Variants in DPP6 observed in about 807,000 individuals in gnomAD.
The protein encoded by DPP6 is dipeptidyl peptidase like 6.
Under a neutral mutation model 122.6 loss-of-function variants are expected in DPP6, and 69 were observed. That is an observed-to-expected ratio of 0.56 (90% CI 0.46 to 0.69). The LOEUF is 0.69. Among genes scored for constraint, DPP6 ranks in the 30% least tolerant of loss-of-function variants. The pLI is 0.00. For missense variants in DPP6, 928 were observed against 1,116.9 expected, an observed-to-expected ratio of 0.83 and a Z score of 2.41; for synonymous variants, 418 against 433.1, an observed-to-expected ratio of 0.97 and a Z score of 0.43.
chr7:154,383,881 C>G (rs929926979), intron 1 of DPP6, among the ~76,000 whole-genome samples: 24 of 114,008 alleles, frequency 2.1e-4, no homozygotes, highest in Middle Eastern at 4.6e-3. Context: ...CAGAGTGAGA[C>G]TCTGTCTCCA....
At chr7:154,386,875 A>G (rs766367999) in intron 1 of DPP6, among the ~76,000 whole-genome samples, 11 of 152,248 alleles carry the variant, frequency 7.2e-5, no homozygotes, top group Middle Eastern at 3.4e-3. Flanking sequence ...CTGGAAATAA[A>G]AGTGCATGGA....
intron 1 of DPP6, among the ~76,000 whole-genome samples, chr7:154,063,053 C>A (rs1236267841): frequency 2.5e-5 from 3 of 121,928 alleles, no homozygotes; most frequent in East Asian, 2.4e-4. Flanking sequence ...AGGCACCCCC[C>A]ACGAGAGTGG....
intron 5 of DPP6, chr7:154,587,743 C>T (rs1320608424): frequency 1.0e-5 from 16 of 1,574,060 alleles, no homozygotes; most frequent in Non-Finnish European, 1.3e-5. Flanking sequence ...AGCTTGTCAC[C>T]AGGGCTGTTT....
chr7:154,306,882 C>T (rs563082822), intron 1 of DPP6, among the ~76,000 whole-genome samples: 1 of 152,262 alleles, frequency 6.6e-6, no homozygotes, highest in South Asian at 2.1e-4. Context: ...TTCAAAAATT[C>T]CACAGAATAT....
intron 7 of DPP6, among the ~76,000 whole-genome samples, chr7:154,681,499 C>T (rs973297018): frequency 6.6e-6 from 1 of 152,192 alleles, no homozygotes; most frequent in Non-Finnish European, 1.5e-5. Flanking sequence ...GGGCGTGGAG[C>T]CGCACCACAC....
chr7:154,892,622 G>T lies in DPP6; in HGVS notation c.*142G>T. The T allele has an allele frequency of 6.6e-7, 1 of 1,506,230 alleles. No individual in the cohort carries two copies. Among genetic ancestry groups the T allele is most frequent in the Non-Finnish European group, 8.9e-7 (1 of 1,119,562 alleles). 93.3% of individuals were successfully genotyped at this position (1,506,230 alleles called of 1,614,324 possible). ...TAGCATGTGTGTCTCGGATGCGGAA[G>T]GCAGTTTTGCTTGGGAAACAAGCTC... On this transcript the variant is annotated 3_prime_UTR_variant, in exon 26 of 26. Transcript: ENST00000377770.
At chr7:154,732,890 C>T (rs942422257) in intron 8 of DPP6, among the ~76,000 whole-genome samples, 12 of 152,312 alleles carry the variant, frequency 7.9e-5, no homozygotes, top group African/African-American at 2.9e-4. Context: ...AGGACCCATG[C>T]AGTCAGGCAG....
At position 153,954,094 on chromosome 7, in the gene DPP6, G is replaced by T. The variant is rs56065597; in HGVS notation, c.51+66360G>T. Among the ~76,000 whole-genome samples the T allele has an allele frequency of 3.0e-3, 463 of 152,308 alleles. 1 individual carries two copies. The highest frequency in any genetic ancestry group is 4.2e-3 in the Non-Finnish European group (284 of 68,034). On this transcript the variant is annotated intron_variant, in intron 1 of 25. Transcript: ENST00000404039. ...CAGATCTCCATCGCTTCTATAAAAT[G>T]CCTTCACTTGAACACCCAGACAAGT... is the stretch of plus-strand genomic sequence containing the variant.
intron 8 of DPP6, among the ~76,000 whole-genome samples, chr7:154,752,025 A>G (rs867273758): frequency 6.6e-6 from 1 of 152,160 alleles, no homozygotes. Flanking sequence ...GACAGAGTTT[A>G]TTGAAAGTTG....
the DPP6 span, among the ~76,000 whole-genome samples, chr7:153,814,218 TAAAG>T: frequency 0.089 from 13,529 of 151,606 alleles, 628 homozygotes; most frequent in Middle Eastern, 0.11. Context: ...GCAAGACTAA[TAAAG>T]AAGAAAAGAG....
chr7:154,626,694 A>G (rs954923425), intron 5 of DPP6, among the ~76,000 whole-genome samples: 2 of 152,242 alleles, frequency 1.3e-5, no homozygotes, highest in Non-Finnish European at 1.5e-5. Flanking sequence ...AGTGACTACT[A>G]TAAGTTAGTT....
At chr7:154,362,833 G>T (rs1333670053) in intron 1 of DPP6, among the ~76,000 whole-genome samples, 1 of 152,182 alleles carries the variant, frequency 6.6e-6, no homozygotes, top group Non-Finnish European at 1.5e-5. Flanking sequence ...CACCTGGGCT[G>T]GAGGCCTGGC....
Position 154,597,801 on chromosome 7 carries a change from C to A in DPP6, c.627+30885C>A, listed in dbSNP as rs558613636. 1.4e-4 allele frequency among the ~76,000 whole-genome samples: 22 copies of A among 152,214 alleles called. No individual in the cohort carries two copies. In the East Asian group the frequency reaches 3.9e-3, roughly 27 times the overall value. Reference sequence around the variant, plus strand: ...GTGCTGGCTCCAGGCCTCCTTCCTGCATCTGGTGGTTTTCTGGCAATCTTT... The same window carrying A: ...GTGCTGGCTCCAGGCCTCCTTCCTGAATCTGGTGGTTTTCTGGCAATCTTT... On this transcript the variant is annotated intron_variant, in intron 5 of 25. Coordinates refer to ENST00000377770, the MANE Select transcript of DPP6 (RefSeq NM_130797.4).
At chr7:154,446,582 A>T (rs962117113) in intron 2 of DPP6, among the ~76,000 whole-genome samples, 17 of 152,220 alleles carry the variant, frequency 1.1e-4, no homozygotes, top group Admixed American at 1.0e-3. Flanking sequence ...TCACTTATTC[A>T]TGCTTGATCA....
the DPP6 span, among the ~76,000 whole-genome samples, chr7:153,773,264 C>CGTGTGT: frequency 0.018 from 2,379 of 132,430 alleles, 73 homozygotes; most frequent in African/African-American, 0.056. Flanking sequence ...TCTTTTCTTT[C>CGTGTGT]GTGTGTGTGT....
intron 18 of DPP6, 100 bp downstream of exon 18, chr7:154,868,193 C>A: frequency 6.9e-7 from 1 of 1,444,672 alleles, no homozygotes; most frequent in South Asian, 1.4e-5. Context: ...AAGGAAGACT[C>A]CCCAAGCACG....
the DPP6 span, among the ~76,000 whole-genome samples, chr7:153,826,957 C>G: frequency 2.0e-5 from 3 of 151,304 alleles, no homozygotes; most frequent in Non-Finnish European, 4.4e-5. Flanking sequence ...AATGTGTAAG[C>G]TAAACGTATT....
chr7:154,134,091 C>T (rs984032339), intron 1 of DPP6, among the ~76,000 whole-genome samples: 1 of 152,016 alleles, frequency 6.6e-6, no homozygotes, highest in African/African-American at 2.4e-5. Context: ...AGATTGAGAA[C>T]ACTTCCTCCC....
intron 1 of DPP6, among the ~76,000 whole-genome samples, chr7:153,918,636 G>T (rs1380900872): frequency 1.4e-5 from 2 of 139,136 alleles, no homozygotes; most frequent in Admixed American, 7.5e-5. Context: ...CTCACTACTG[G>T]TGATATCATC....
Sources: allele counts gnomAD v4.1 joint callset (sites outside exome capture counted in the v4.1 genomes callset), GRCh38; gene constraint gnomAD v4.1.1; transcripts MANE v1.5; gene names NCBI Gene and HGNC (gene_info 2026-07-23, HGNC 2026-07-21).